Variants in PACS1 observed in about 807,000 individuals in gnomAD.
The protein encoded by PACS1 is PACS-1.
A neutral mutation model predicts 115.0 loss-of-function variants in PACS1; 24 were observed. That is an observed-to-expected ratio of 0.21 (90% confidence interval 0.15 to 0.29). PACS1 has a LOEUF of 0.29. Among genes scored for constraint, PACS1 ranks in the 10% least tolerant of loss-of-function variants. The pLI is 1.00. For missense variants in PACS1, 838 were observed against 1,251.2 expected (o/e 0.67, Z 4.98); for synonymous variants, 453 against 504.5 (o/e 0.90, Z 1.37).
intron 4 of PACS1, among the ~76,000 whole-genome samples, chr11:66,214,770 C>T (rs983745429): frequency 1.1e-4 from 17 of 151,772 alleles, no homozygotes; most frequent in Non-Finnish European, 2.2e-4. Context: ...TACAGGCATG[C>T]GCCACCACAC....
chr11:66,120,533 A>C (rs55982441), intron 1 of PACS1, among the ~76,000 whole-genome samples: 5,849 of 152,298 alleles, frequency 0.038, 164 homozygotes, highest in Non-Finnish European at 0.056. Flanking sequence ...TTTGAATTAC[A>C]TGCAATTATA....
At chr11:66,114,843 G>A (rs1055606158) in intron 1 of PACS1, among the ~76,000 whole-genome samples, 1 of 152,098 alleles carries the variant, frequency 6.6e-6, no homozygotes, top group Admixed American at 6.6e-5. Context: ...AGCACTATAA[G>A]TGGTTACATA....
chr11:66,190,022 G>T (rs1854481070), intron 1 of PACS1, among the ~76,000 whole-genome samples: 1 of 152,144 alleles, frequency 6.6e-6, no homozygotes, highest in South Asian at 2.1e-4. Flanking sequence ...GACTAGCTTT[G>T]CCCACCACTC....
chr11:66,109,162 AG>A, intron 1 of PACS1, among the ~76,000 whole-genome samples: 1 of 152,336 alleles, frequency 6.6e-6, no homozygotes, highest in Non-Finnish European at 1.5e-5. Context: ...TGCCAGCTGC[AG>A]GGGATATCCC....
At chr11:66,188,279 T>C (rs1249052583) in intron 1 of PACS1, among the ~76,000 whole-genome samples, 1 of 151,978 alleles carries the variant, frequency 6.6e-6, no homozygotes, top group Non-Finnish European at 1.5e-5. Flanking sequence ...ACTCTGTAGA[T>C]TGTTTCCTTT....
intron 1 of PACS1, among the ~76,000 whole-genome samples, chr11:66,104,888 C>T (rs1156773481): frequency 6.6e-6 from 1 of 152,148 alleles, no homozygotes; most frequent in African/African-American, 2.4e-5. Flanking sequence ...ACTCTATTGG[C>T]AGGGCCTGGA....
chr11:66,075,583 C>T (rs1386090710), intron 1 of PACS1, among the ~76,000 whole-genome samples: 2 of 152,116 alleles, frequency 1.3e-5, no homozygotes, highest in African/African-American at 2.4e-5. Flanking sequence ...CTTTTACTTA[C>T]CATCCATTCT....
intron 2 of PACS1, among the ~76,000 whole-genome samples, chr11:66,202,742 A>ATATATATAT (rs1554988696): frequency 7.0e-5 from 5 of 71,592 alleles, no homozygotes; most frequent in Non-Finnish European, 1.2e-4. Flanking sequence ...AAAAAAAAAA[A>ATATATATAT]ATATATATAT....
intron 1 of PACS1, among the ~76,000 whole-genome samples, chr11:66,146,538 G>T (rs887599144): frequency 6.6e-6 from 1 of 152,058 alleles, no homozygotes; most frequent in Non-Finnish European, 1.5e-5. Context: ...AATGAACAGA[G>T]CCTCAGAGAT....
At chr11:66,179,918 C>T (rs1859961224) in intron 1 of PACS1, among the ~76,000 whole-genome samples, 1 of 152,150 alleles carries the variant, frequency 6.6e-6, no homozygotes, top group African/African-American at 2.4e-5. Context: ...GTGGCATGAT[C>T]TCAGCTCACT....
At chr11:66,118,753 C>T (rs1214676553) in intron 1 of PACS1, among the ~76,000 whole-genome samples, 4 of 108,870 alleles carry the variant, frequency 3.7e-5, no homozygotes, top group South Asian at 5.5e-4. Flanking sequence ...GGCAACATGG[C>T]GAAACCCCAT....
Position 66,101,212 on chromosome 11 carries a change from C to G in PACS1, c.356+30370C>G, listed in dbSNP as rs183822589. 1.3e-3 allele frequency among the ~76,000 whole-genome samples: 192 copies of G among 152,292 alleles called. 1 individual carries two copies. In the Middle Eastern group the frequency reaches 0.037, roughly 30 times the overall value. On this transcript the variant is annotated intron_variant, in intron 1 of 23. Coordinates refer to ENST00000320580, the MANE Select transcript of PACS1 (RefSeq NM_018026.4). ...TTTTTTTAAAAGTTTTAAACACTTACATCTACTGGTATATAGGTATGCTTG... is the reference window on the plus strand; with the variant it reads ...TTTTTTTAAAAGTTTTAAACACTTAGATCTACTGGTATATAGGTATGCTTG...
At chr11:66,221,416 G>A (rs1158222890) in intron 10 of PACS1, 169 bp downstream of exon 10, 3 of 627,846 alleles carry the variant, frequency 4.8e-6, no homozygotes, top group Non-Finnish European at 8.6e-6. Context: ...GGGAGGTGGA[G>A]TCGGGCAGAT....
At chr11:66,211,929 C>T (rs1033771243) in intron 4 of PACS1, among the ~76,000 whole-genome samples, 3 of 152,056 alleles carry the variant, frequency 2.0e-5, no homozygotes, top group Non-Finnish European at 4.4e-5. Context: ...CTTTCATGAC[C>T]TTGACATTTT....
intron 1 of PACS1, among the ~76,000 whole-genome samples, chr11:66,106,024 C>G (rs139019520): frequency 3.7e-4 from 56 of 152,328 alleles, no homozygotes; most frequent in African/African-American, 1.1e-3. Context: ...TCCTCTTATT[C>G]TGGCTAGCTT....
chr11:66,186,177 A>G (rs1854367358), intron 1 of PACS1, among the ~76,000 whole-genome samples: 1 of 151,820 alleles, frequency 6.6e-6, no homozygotes. Context: ...TAGGAGGTTG[A>G]GATGGGAAGA....
intron 1 of PACS1, among the ~76,000 whole-genome samples, chr11:66,113,721 G>C (rs565219315): frequency 6.6e-6 from 1 of 152,286 alleles, no homozygotes; most frequent in South Asian, 2.1e-4. Context: ...AAGCTGTATA[G>C]AGATTTGATG....
chr11:66,233,144 T>G lies in PACS1; in HGVS notation c.1838+78T>G. The G allele has an allele frequency of 9.1e-6, 10 of 1,093,076 alleles. No individual in the cohort carries two copies. Among genetic ancestry groups the G allele is most frequent in the Non-Finnish European group, 1.4e-5 (10 of 727,194 alleles). The allele number at this position is 1,093,076 out of a possible 1,614,324, so 67.7% of individuals were successfully genotyped here. ...TCTTCCAACCCTGACTTCTAAGCAA[T>G]GATAGACCCTCCTGGCCTCATCAGA... On this transcript the variant is annotated intron_variant, in intron 15 of 23. Coordinates refer to ENST00000320580, the MANE Select transcript of PACS1 (RefSeq NM_018026.4). The surrounding 1 kb of genome is among the most constrained non-coding windows in gnomAD (Gnocchi z 4.5).
At chr11:66,137,246 G>C (rs746533541) in intron 1 of PACS1, among the ~76,000 whole-genome samples, 1 of 151,102 alleles carries the variant, frequency 6.6e-6, no homozygotes, top group Non-Finnish European at 1.5e-5. Flanking sequence ...ATTTGTGTGA[G>C]TGTGTGTGTT....
Sources: gnomAD v4.1 joint callset for allele counts (sites outside exome capture counted in the v4.1 genomes callset) on GRCh38, gnomAD v4.1.1 for gene constraint, Gnocchi (gnomAD v3.1) non-coding constraint, MANE v1.5 for transcripts, NCBI Gene and HGNC (gene_info 2026-07-23, HGNC 2026-07-21) for gene names.